Variants in GTF2A1L observed in about 807,000 individuals in gnomAD.
GTF2A1L encodes the protein TFIIA-alpha and beta-like factor.
A neutral mutation model predicts 49.7 loss-of-function variants in GTF2A1L; 48 were observed. The observed-to-expected ratio is 0.97, with a 90% CI of 0.77 to 1.23. The LOEUF is 1.23. GTF2A1L is among the 50% of genes most tolerant of loss of function. GTF2A1L has a pLI of 0.00. For synonymous variants in GTF2A1L, 246 were observed against 193.5 expected (o/e 1.27, Z -2.25); for missense variants, 736 against 564.8 (o/e 1.30, Z -3.07).
Position 48,620,846 on chromosome 2 carries a change from T to C in GTF2A1L, c.22-5T>C. 1 of 1,383,558 alleles carries C rather than the reference T, an allele frequency of 7.2e-7. No homozygotes were observed. Among genetic ancestry groups the C allele is most frequent in the South Asian group, 2.3e-5 (1 of 43,518 alleles). 85.7% of individuals were successfully genotyped at this position (1,383,558 alleles called of 1,614,324 possible). On this transcript the variant is annotated splice_polypyrimidine_tract_variant and splice_region_variant and intron_variant, in intron 1 of 8. Coordinates refer to ENST00000403751, the MANE Select transcript of GTF2A1L (RefSeq NM_006872.5). ...AATGAAACTTTAACAATTGCTTTTA[T>C]GTAGCCTAAACTCTACAGATCTGTA...
chr2:48,618,451 G>A (rs1444772647), intron 1 of GTF2A1L, among the ~76,000 whole-genome samples: 1 of 152,128 alleles, frequency 6.6e-6, no homozygotes, highest in African/African-American at 2.4e-5. Flanking sequence ...TCTAGTCTCA[G>A]TGGCACTTAG....
intron 1 of GTF2A1L, 73 bp downstream of exon 1, chr2:48,617,968 C>T (rs1675756616): frequency 7.0e-6 from 10 of 1,424,134 alleles, no homozygotes; most frequent in Non-Finnish European, 9.6e-6. Context: ...GAACCCTGCA[C>T]CTTTTGTTTC....
rs1345588450 is a variant in GTF2A1L at position 48,660,103 on chromosome 2, T to A, written c.979-9619T>A. Among the ~76,000 whole-genome samples the A allele has an allele frequency of 6.6e-5, 10 of 152,286 alleles. 2 individuals carry two copies. In the South Asian group the frequency reaches 1.9e-3, roughly 28 times the overall value. ...TTACCATTCAGTATGATTTTTTTTT[T>A]ATCTTGAACTATCCTTGCATCCCAG... On this transcript the variant is annotated intron_variant, in intron 6 of 8. Coordinates refer to ENST00000403751, the MANE Select transcript of GTF2A1L (RefSeq NM_006872.5).
chr2:48,655,698 T>G (rs1257718421), intron 6 of GTF2A1L, among the ~76,000 whole-genome samples: 1 of 152,172 alleles, frequency 6.6e-6, no homozygotes, highest in African/African-American at 2.4e-5. Flanking sequence ...AATTAACTAT[T>G]TATTTTATTT....
chr2:48,673,283 C>G (rs1177892634), intron 8 of GTF2A1L, among the ~76,000 whole-genome samples: 1 of 151,622 alleles, frequency 6.6e-6, no homozygotes, highest in Non-Finnish European at 1.5e-5. Flanking sequence ...CTGGTTGAGG[C>G]ACCTATAAAA....
intron 6 of GTF2A1L, among the ~76,000 whole-genome samples, chr2:48,657,570 G>A (rs1050951091): frequency 6.6e-6 from 1 of 152,132 alleles, no homozygotes; most frequent in African/African-American, 2.4e-5. Flanking sequence ...ACATAAGAGT[G>A]CAGGTACGTT....
At chr2:48,665,789 G>C (rs1249294745) in intron 6 of GTF2A1L, among the ~76,000 whole-genome samples, 1 of 151,956 alleles carries the variant, frequency 6.6e-6, no homozygotes, top group Non-Finnish European at 1.5e-5. Context: ...ATTTTTGGGT[G>C]GGGTATTCTC....
chr2:48,665,584 A>G (rs188177936), intron 6 of GTF2A1L, among the ~76,000 whole-genome samples: 29 of 152,194 alleles, frequency 1.9e-4, no homozygotes, highest in Admixed American at 2.0e-4. Flanking sequence ...ACCATTGGGT[A>G]TTTATAATTG....
intron 3 of GTF2A1L, among the ~76,000 whole-genome samples, chr2:48,637,392 T>C (rs543802522): frequency 1.3e-5 from 2 of 152,198 alleles, no homozygotes; most frequent in Non-Finnish European, 2.9e-5. Context: ...ATTCTTGCTA[T>C]GTTAAAATTT....
At chr2:48,625,809 T>C (rs1676260233) in intron 3 of GTF2A1L, among the ~76,000 whole-genome samples, 1 of 143,302 alleles carries the variant, frequency 7.0e-6, no homozygotes, top group Non-Finnish European at 1.6e-5. Flanking sequence ...TCTTGAACTC[T>C]TGGAATGAAG....
intron 6 of GTF2A1L, among the ~76,000 whole-genome samples, chr2:48,669,506 G>A (rs1390189749): frequency 6.6e-6 from 1 of 152,090 alleles, no homozygotes; most frequent in Non-Finnish European, 1.5e-5. Flanking sequence ...CCCTGTGATT[G>A]TAAGTGGGTT....
chr2:48,646,084 A>G (rs942528977), intron 5 of GTF2A1L, among the ~76,000 whole-genome samples: 1 of 152,072 alleles, frequency 6.6e-6, no homozygotes, highest in African/African-American at 2.4e-5. Flanking sequence ...AGTATATTTT[A>G]CATGATTATG....
Position 48,646,848 on chromosome 2 carries a change from T to G in GTF2A1L, c.784T>G (p.Ser262Ala). 6.2e-7 allele frequency: 1 copy of G among 1,614,078 alleles called. No individual in the cohort carries two copies. The highest frequency in any genetic ancestry group is 8.5e-7 in the Non-Finnish European group (1 of 1,180,014). ...CTCTCAAACAAATTCTAATGTGGAG[T>G]CAGTGCTCAGTGGTTCAGCTAGCAT... Reference protein sequence around the residue: ...QVSQTNSNVESVLSGSASMAQ... With the variant: ...QVSQTNSNVEAVLSGSASMAQ... The change falls in exon 6 of 9, where the codon TCA becomes GCA. Residue 262 changes from serine (S) to alanine (A), a missense_variant. Physicochemically the swap from Ser to Ala is moderately conservative, Grantham distance 99. Transcript: ENST00000403751.
At chr2:48,665,142 C>A (rs1292886064) in intron 6 of GTF2A1L, among the ~76,000 whole-genome samples, 1 of 152,008 alleles carries the variant, frequency 6.6e-6, no homozygotes, top group Non-Finnish European at 1.5e-5. Flanking sequence ...GGCTGGTCTC[C>A]AACTCTTGGC....
intron 6 of GTF2A1L, among the ~76,000 whole-genome samples, chr2:48,648,255 A>G (rs1228531375): frequency 1.3e-5 from 2 of 152,130 alleles, no homozygotes; most frequent in Non-Finnish European, 2.9e-5. Context: ...AACATATAAC[A>G]CTTAGTAAAT....
intron 6 of GTF2A1L, among the ~76,000 whole-genome samples, chr2:48,654,844 T>A (rs1678082425): frequency 6.6e-6 from 1 of 152,214 alleles, no homozygotes; most frequent in South Asian, 2.1e-4. Flanking sequence ...TACTGAAGGT[T>A]CACTCTGTTT....
At chr2:48,669,120 G>T (rs1248715210) in intron 6 of GTF2A1L, among the ~76,000 whole-genome samples, 1 of 152,040 alleles carries the variant, frequency 6.6e-6, no homozygotes, top group East Asian at 1.9e-4. Flanking sequence ...TCCCCACTCT[G>T]TATTTCCAGT....
chr2:48,648,783 G>C (rs1266321418), intron 6 of GTF2A1L, among the ~76,000 whole-genome samples: 1 of 152,000 alleles, frequency 6.6e-6, no homozygotes, highest in African/African-American at 2.4e-5. Flanking sequence ...TAACTTGTTT[G>C]TTAGTTTTAA....
At chr2:48,667,548 A>G (rs1050542928) in intron 6 of GTF2A1L, among the ~76,000 whole-genome samples, 7 of 152,134 alleles carry the variant, frequency 4.6e-5, no homozygotes, top group Non-Finnish European at 7.4e-5. Context: ...ACAGAATACA[A>G]ATTTATCTTA....
Sources: allele counts gnomAD v4.1 joint callset (sites outside exome capture counted in the v4.1 genomes callset), GRCh38; gene constraint gnomAD v4.1.1; transcripts MANE v1.5; gene names NCBI Gene and HGNC (gene_info 2026-07-23, HGNC 2026-07-21).